CHD1: variants seen among roughly 807,000 people sequenced by gnomAD.
The protein encoded by CHD1 is ATP-dependent chromatin remodeler CHD1.
In CHD1, 36 loss-of-function variants were observed where a neutral mutation model predicts 224.2. The ratio of observed to expected loss-of-function variants is 0.16; its 90% confidence interval spans 0.12 to 0.21. The LOEUF is 0.21. Among genes scored for constraint, CHD1 ranks in the 10% least tolerant of loss-of-function variants. The pLI, the probability that CHD1 is intolerant of heterozygous loss-of-function variation, is 1.00. For missense variants in CHD1, 1,378 were observed against 1,994.8 expected (o/e 0.69, Z 5.89); for synonymous variants, 668 against 658.3 (o/e 1.01, Z -0.23).
At chr5:98,920,882 T>A (rs1388934656) in intron 2 of CHD1, among the ~76,000 whole-genome samples, 2 of 151,214 alleles carry the variant, frequency 1.3e-5, no homozygotes, top group Non-Finnish European at 2.9e-5. Flanking sequence ...GTTTAGACCA[T>A]GAAAACTAAG....
chr5:98,886,935 T>TTTTGTTTGACTATGTACACAATAA (rs1750689112), intron 17 of CHD1, among the ~76,000 whole-genome samples: 1 of 152,090 alleles, frequency 6.6e-6, no homozygotes, highest in African/African-American at 2.4e-5. Context: ...CAAACTAATT[T>TTTTGTTTGACTATGTACACAATAA]TTTGTTTGAC....
Position 98,872,118 on chromosome 5 carries a change from A to G in CHD1, c.3794T>C (p.Ile1265Thr). 1.2e-6 allele frequency: 2 copies of G among 1,613,534 alleles called. No individual in the cohort carries two copies. Among genetic ancestry groups the G allele is most frequent in the Non-Finnish European group, 1.7e-6 (2 of 1,179,534 alleles). The change falls in exon 28 of 36, where the codon ATC becomes ACC. Residue 1265 changes from isoleucine to threonine, a missense_variant. Transcript: ENST00000614616. ...KEDDSNLLIG[I>T]YEYGYGSWEM... ...CCAGCTTCCATATCCATATTCATAG[A>G]TGCCAATTAACAAATTGGAATCATC...
chr5:98,861,663 GACT>G (rs1405051405), intron 32 of CHD1, among the ~76,000 whole-genome samples: 15 of 150,376 alleles, frequency 1.0e-4, no homozygotes, highest in African/African-American at 3.7e-4. Context: ...CACCATGCCC[GACT>G]ACTTTTTTTT....
rs772419725 is a variant in CHD1 at position 98,904,951 on chromosome 5, G to A, written c.201C>T (p.Asp67=). The change falls in exon 3 of 36, where the codon GAC becomes GAT. Residue 67 remains aspartate (D), a synonymous_variant. Transcript: ENST00000614616. ...ESGSQSESES[D]TSRENKVQAK... ...CTTGAACTTTGTTTTCTCGGGAAGT[G>A]TCTGACTCAGACTCTGACTGACTGC... 1 of 1,613,280 alleles carries A rather than the reference G, an allele frequency of 6.2e-7. No individual in the cohort carries two copies. Among genetic ancestry groups the A allele is most frequent in the South Asian group, 1.1e-5 (1 of 91,074 alleles).
intron 28 of CHD1, 57 bp downstream of exon 28, chr5:98,871,994 A>G (rs1749386950): frequency 7.0e-7 from 1 of 1,418,692 alleles, no homozygotes; most frequent in Non-Finnish European, 9.5e-7. Flanking sequence ...AAAAGCAAGA[A>G]TTAGAATAAA....
intron 3 of CHD1, among the ~76,000 whole-genome samples, chr5:98,904,334 T>C (rs1333272033): frequency 6.6e-6 from 1 of 152,190 alleles, no homozygotes; most frequent in African/African-American, 2.4e-5. Flanking sequence ...TGTCGATTTA[T>C]ATTCTGGCCC....
At chr5:98,924,963 G>A (rs1004367319) in intron 2 of CHD1, among the ~76,000 whole-genome samples, 5 of 150,894 alleles carry the variant, frequency 3.3e-5, no homozygotes, top group Non-Finnish European at 7.4e-5. Context: ...GGGCGACAGA[G>A]CAAGACTCTG....
At chr5:98,895,888 A>G (rs975933677) in intron 12 of CHD1, among the ~76,000 whole-genome samples, 1 of 152,164 alleles carries the variant, frequency 6.6e-6, no homozygotes, top group Non-Finnish European at 1.5e-5. Flanking sequence ...AGACTGTTAT[A>G]CAGACCAAAA....
intron 20 of CHD1, 55 bp from the exon 21 acceptor site, chr5:98,881,430 A>G (rs1580411524): frequency 1.2e-6 from 1 of 802,192 alleles, no homozygotes; most frequent in Non-Finnish European, 2.0e-6. Flanking sequence ...TATAACAGTT[A>G]CACAGCACTT....
chr5:98,917,299 C>CAAAAAAA lies in CHD1; in HGVS notation c.53+9028_53+9034dup, dbSNP rs70984334. Among the ~76,000 whole-genome samples, 587 of 119,806 alleles carry CAAAAAAA rather than the reference C, an allele frequency of 4.9e-3. 9 individuals carry two copies. The highest frequency in any genetic ancestry group is 0.014 in the African/African-American group (343 of 25,300). 78.6% of individuals were successfully genotyped at this position (119,806 alleles called of 152,430 possible). ...GCCCATCCCTCCAAAAACAAAGAAA[C>CAAAAAAA]AAAAAAAAAAAACAACCTCTTAATT... On this transcript the variant is annotated intron_variant, in intron 2 of 35. Transcript: ENST00000614616.
chr5:98,860,109 G>T (rs774494279), intron 32 of CHD1, 41 bp from the exon 33 acceptor site: 2 of 1,147,712 alleles, frequency 1.7e-6, no homozygotes, highest in South Asian at 1.3e-5. Context: ...TTAGTCTGGT[G>T]GAAAATATTT....
At chr5:98,914,604 A>C (rs992193143) in intron 2 of CHD1, among the ~76,000 whole-genome samples, 2 of 152,206 alleles carry the variant, frequency 1.3e-5, no homozygotes, top group Non-Finnish European at 2.9e-5. Flanking sequence ...GGGGAAATGC[A>C]ATTACATGTA....
At chr5:98,928,313 G>A (rs994059820) in intron 1 of CHD1, among the ~76,000 whole-genome samples, 1 of 152,080 alleles carries the variant, frequency 6.6e-6, no homozygotes, top group Non-Finnish European at 1.5e-5. Flanking sequence ...CCGGGGCAGG[G>A]CCGCCGGGCC....
At chr5:98,922,951 T>C (rs1454747356) in intron 2 of CHD1, among the ~76,000 whole-genome samples, 4 of 152,052 alleles carry the variant, frequency 2.6e-5, no homozygotes, top group African/African-American at 9.7e-5. Context: ...GTCATACCGC[T>C]GCACTGCAGC....
intron 2 of CHD1, among the ~76,000 whole-genome samples, chr5:98,916,958 G>A (rs1314995049): frequency 6.6e-6 from 1 of 151,958 alleles, no homozygotes; most frequent in Non-Finnish European, 1.5e-5. Context: ...TGTAACTGAG[G>A]ACTGAATCAT....
intron 25 of CHD1, 89 bp downstream of exon 25, chr5:98,874,983 A>C: frequency 5.6e-6 from 4 of 709,218 alleles, no homozygotes; most frequent in Non-Finnish European, 9.8e-6. Context: ...AATTTAACAA[A>C]GTAGCTAAAC....
chr5:98,897,256 T>C lies in CHD1; in HGVS notation c.1430A>G (p.Glu477Gly). The C allele has an allele frequency of 6.2e-7, 1 of 1,612,576 alleles. No individual in the cohort carries two copies. Among genetic ancestry groups the C allele is most frequent in the Non-Finnish European group, 8.5e-7 (1 of 1,178,858 alleles). Residue 477 changes from glutamate to glycine, a missense_variant, in exon 11 of 36, where the codon GAG (glutamate) becomes GGG (glycine). Physicochemically the swap from Glu to Gly is moderately conservative, Grantham distance 98. Around this residue, in one of 16 missense-constraint regions of CHD1, gnomAD observed 86 missense variants for 97.7 expected, o/e 0.88. Transcript: ENST00000614616. ...KKQPSYIGGH[E>G]GLELRDYQLN... Reference sequence around the variant, plus strand: ...TTGATAATCTCTTAATTCTAAGCCCTCATGTCCTCCAATATAGGATGGCTG... The same window carrying C: ...TTGATAATCTCTTAATTCTAAGCCCCCATGTCCTCCAATATAGGATGGCTG...
intron 32 of CHD1, among the ~76,000 whole-genome samples, chr5:98,862,146 A>T (rs1384099910): frequency 6.6e-6 from 1 of 152,188 alleles, no homozygotes; most frequent in Non-Finnish European, 1.5e-5. Flanking sequence ...ACAGAGTAAG[A>T]TTCCATCTCA....
In CHD1 at chr5:98,923,626, G is replaced by A. The variant is rs374000725; in HGVS notation, c.53+2708C>T. On this transcript the variant is annotated intron_variant, in intron 2 of 35. Transcript: ENST00000614616. Reference sequence around the variant, plus strand: ...ACAGGATTTCTCCATGTTGGTCAAGGTGGTCTCGAACTCCCAACCTCAGGT... The same window carrying A: ...ACAGGATTTCTCCATGTTGGTCAAGATGGTCTCGAACTCCCAACCTCAGGT... Among the ~76,000 whole-genome samples the A allele has an allele frequency of 2.0e-5, 3 of 151,904 alleles. No individual in the cohort carries two copies. In the East Asian group the frequency reaches 5.8e-4, roughly 29 times the overall value.
Sources: allele counts gnomAD v4.1 joint callset (sites outside exome capture counted in the v4.1 genomes callset), GRCh38; gene constraint gnomAD v4.1.1; regional missense constraint gnomAD v4.1.1; transcripts MANE v1.5; gene names NCBI Gene and HGNC (gene_info 2026-07-23, HGNC 2026-07-21).